DLGAP5: variants seen among roughly 807,000 people sequenced by gnomAD.
DLGAP5 encodes disks large-associated protein 5.
DLGAP5 carries 90 observed loss-of-function variants against 99.6 expected under a neutral mutation model. The observed-to-expected ratio is 0.90, with a 90% CI of 0.76 to 1.08. The LOEUF is 1.08. DLGAP5 is among the 50% of genes least tolerant of loss of function. The pLI, the probability that DLGAP5 is intolerant of heterozygous loss-of-function variation, is 0.00. For missense variants in DLGAP5, 1,036 were observed against 983.5 expected, an observed-to-expected ratio of 1.05 and a Z score of -0.71; for synonymous variants, 311 against 321.3, an observed-to-expected ratio of 0.97 and a Z score of 0.34.
chr14:55,158,491 CAAA>C, intron 14 of DLGAP5, 28 bp downstream of exon 14: 2 of 1,585,716 alleles, frequency 1.3e-6, no homozygotes, highest in Non-Finnish European at 1.7e-6. Context: ...TCAGGAAAAA[CAAA>C]AAAAATAAAA....
At chr14:55,150,136 G>A (rs963919263) in intron 18 of DLGAP5, among the ~76,000 whole-genome samples, 11 of 151,756 alleles carry the variant, frequency 7.2e-5, no homozygotes, top group African/African-American at 1.5e-4. Context: ...TATTTAATTC[G>A]TGCCATAGTG....
chr14:55,177,965 A>G (rs1255218404), intron 7 of DLGAP5, among the ~76,000 whole-genome samples: 5 of 151,810 alleles, frequency 3.3e-5, no homozygotes, highest in Non-Finnish European at 7.4e-5. Flanking sequence ...TTATGTTGAT[A>G]ATTACGGCCA....
intron 7 of DLGAP5, 22 bp downstream of exon 7, chr14:55,179,607 T>C: frequency 6.3e-7 from 1 of 1,586,426 alleles, no homozygotes; most frequent in Non-Finnish European, 8.6e-7. Context: ...CATCTAGAAT[T>C]AAAAAGATGT....
At chr14:55,190,899 G>A (rs544231689) in intron 1 of DLGAP5, among the ~76,000 whole-genome samples, 18 of 152,226 alleles carry the variant, frequency 1.2e-4, no homozygotes, top group African/African-American at 4.3e-4. Context: ...CACAGCAAGA[G>A]AAAGAGCGAG....
chr14:55,173,136 C>T (rs75539435), intron 10 of DLGAP5, among the ~76,000 whole-genome samples: 12,534 of 151,528 alleles, frequency 0.083, 1,392 homozygotes, highest in African/African-American at 0.25. Context: ...AAACCCAGTG[C>T]TCTAAAAAAG....
chr14:55,187,422 G>A (rs570298279), intron 2 of DLGAP5, among the ~76,000 whole-genome samples: 8 of 150,384 alleles, frequency 5.3e-5, no homozygotes, highest in South Asian at 2.1e-4. Context: ...GGGTTCAAGC[G>A]ATTCTCCTGC....
At chr14:55,179,197 A>G (rs910565690) in intron 7 of DLGAP5, among the ~76,000 whole-genome samples, 3 of 152,158 alleles carry the variant, frequency 2.0e-5, no homozygotes, top group African/African-American at 4.8e-5. Flanking sequence ...CAACTACTCT[A>G]TGCAGGTATT....
At chr14:55,188,256 T>G (rs1883491705) in intron 2 of DLGAP5, among the ~76,000 whole-genome samples, 2 of 152,196 alleles carry the variant, frequency 1.3e-5, no homozygotes, top group South Asian at 4.1e-4. Context: ...TCAGTTTGCT[T>G]TCTCTTTTCT....
chr14:55,148,574 C>T lies in DLGAP5; in HGVS notation c.2419-101G>A, dbSNP rs1261732516. 3 of 1,579,438 alleles carry T rather than the reference C, an allele frequency of 1.9e-6. No homozygotes were observed. The Admixed American group carries it at 5.3e-5, about 28-fold the overall frequency. On this transcript the variant is annotated intron_variant, in intron 18 of 18. Coordinates refer to ENST00000247191, the MANE Select transcript of DLGAP5 (RefSeq NM_014750.5). ...TGGATTAATTAATAACAAAAATAAACCGGGTGCGGTGGTGCACACCTGTAG... is the reference window on the plus strand; with the variant it reads ...TGGATTAATTAATAACAAAAATAAATCGGGTGCGGTGGTGCACACCTGTAG...
At chr14:55,178,846 AGACCAGCCT>A (rs958528928) in intron 7 of DLGAP5, among the ~76,000 whole-genome samples, 2 of 152,190 alleles carry the variant, frequency 1.3e-5, no homozygotes, top group African/African-American at 4.8e-5. Context: ...CGGGAGTTCA[AGACCAGCCT>A]GGCCAACATG....
chr14:55,168,743 A>G (rs1882734934), intron 12 of DLGAP5, among the ~76,000 whole-genome samples: 1 of 152,232 alleles, frequency 6.6e-6, no homozygotes, highest in Non-Finnish European at 1.5e-5. Flanking sequence ...ATAAGAGATT[A>G]ATACAATACG....
At chr14:55,175,028 T>C (rs1288897659) in intron 10 of DLGAP5, among the ~76,000 whole-genome samples, 1 of 152,168 alleles carries the variant, frequency 6.6e-6, no homozygotes, top group Non-Finnish European at 1.5e-5. Flanking sequence ...AATGTACATG[T>C]TATATTTGTC....
At chr14:55,156,858 G>A (rs967368344) in intron 14 of DLGAP5, among the ~76,000 whole-genome samples, 5 of 152,234 alleles carry the variant, frequency 3.3e-5, no homozygotes, top group African/African-American at 1.2e-4. Context: ...AACATTTGGA[G>A]AGTAAGAAAG....
chr14:55,165,778 G>A (rs146474050), intron 12 of DLGAP5, among the ~76,000 whole-genome samples: 3 of 152,150 alleles, frequency 2.0e-5, no homozygotes, highest in Non-Finnish European at 2.9e-5. Flanking sequence ...ACAATATTCC[G>A]TAATAAGTTA....
At chr14:55,173,608 T>C (rs1358825923) in intron 10 of DLGAP5, among the ~76,000 whole-genome samples, 1 of 132,276 alleles carries the variant, frequency 7.6e-6, no homozygotes, top group Non-Finnish European at 1.5e-5. Flanking sequence ...TCTCTCTATA[T>C]ATATATATAC....
intron 13 of DLGAP5, among the ~76,000 whole-genome samples, chr14:55,159,803 T>C (rs1005195611): frequency 6.6e-6 from 1 of 151,342 alleles, no homozygotes; most frequent in African/African-American, 2.4e-5. Context: ...AAGAAGAGAG[T>C]AGAGGTAGGA....
intron 1 of DLGAP5, among the ~76,000 whole-genome samples, chr14:55,190,425 A>G (rs1284028048): frequency 6.6e-6 from 1 of 152,226 alleles, no homozygotes; most frequent in Non-Finnish European, 1.5e-5. Flanking sequence ...AGTAGATCCA[A>G]CTAGGGAGAA....
At chr14:55,161,398 T>C (rs1240062068) in intron 13 of DLGAP5, among the ~76,000 whole-genome samples, 1 of 133,100 alleles carries the variant, frequency 7.5e-6, no homozygotes, top group Non-Finnish European at 1.6e-5. Context: ...ACTTTATTAG[T>C]AAAAAAAAAA....
At chr14:55,148,668 A>C in intron 18 of DLGAP5, 195 bp from the exon 19 acceptor site, 1 of 1,095,052 alleles carries the variant, frequency 9.1e-7, no homozygotes, top group Non-Finnish European at 1.3e-6. Flanking sequence ...AGCCCGAGCA[A>C]CATAGCAAGA....
Sources: allele counts gnomAD v4.1 joint callset (sites outside exome capture counted in the v4.1 genomes callset), GRCh38; gene constraint gnomAD v4.1.1; transcripts MANE v1.5; gene names NCBI Gene and HGNC (gene_info 2026-07-23, HGNC 2026-07-21).